The following HCFC2 variants were observed in gnomAD, a reference collection of about 807,000 sequenced individuals.
HCFC2 encodes host cell factor C2, also known as host cell factor 2.
A neutral mutation model predicts 89.2 loss-of-function variants in HCFC2; 18 were observed. The observed-to-expected ratio is 0.20, with a 90% CI of 0.14 to 0.30. HCFC2 has a LOEUF of 0.30. Ranked by LOEUF, HCFC2 falls within the 10% of genes least tolerant of loss-of-function variation. The probability of loss-of-function intolerance (pLI) is 1.00; values close to 1 mark genes in which losing one functional copy is unlikely to be tolerated. For synonymous variants in HCFC2, 308 were observed against 335.7 expected (o/e 0.92, Z 0.90); for missense variants, 578 against 956.1 (o/e 0.60, Z 5.21).
chr12:104,099,244 A>G (rs1884269385), intron 13 of HCFC2, among the ~76,000 whole-genome samples: 1 of 152,022 alleles, frequency 6.6e-6, no homozygotes, highest in Non-Finnish European at 1.5e-5. Flanking sequence ...TACAATACTA[A>G]GGGGGGATGG....
chr12:104,066,789 C>T (rs1566222788), intron 2 of HCFC2, among the ~76,000 whole-genome samples: 1 of 152,068 alleles, frequency 6.6e-6, no homozygotes, highest in African/African-American at 2.4e-5. Flanking sequence ...TGCTGATGCT[C>T]CTGGTTTGTT....
At chr12:104,096,505 A>G in intron 12 of HCFC2, 72 bp downstream of exon 12, 1 of 1,017,796 alleles carries the variant, frequency 9.8e-7, no homozygotes, top group Non-Finnish European at 1.5e-6. Context: ...GCAACTTCTA[A>G]ATAATTTCAT....
In HCFC2 at chr12:104,103,455, ACT is replaced by A. The variant is rs2030009178; in HGVS notation, c.*187_*188del. On this transcript the variant is annotated 3_prime_UTR_variant, in exon 15 of 15. Coordinates refer to ENST00000229330, the MANE Select transcript of HCFC2 (RefSeq NM_013320.3). ...TCCAAATAAAAGAAAAGAAGCAAAG[ACT>A]CTCTGAAAATTAGTATATGAGTTCT... The A allele has an allele frequency of 1.8e-5, 10 of 569,382 alleles. No homozygotes were observed. In the South Asian group the frequency reaches 1.8e-4, roughly 10 times the overall value. The allele number at this position is 569,382 out of a possible 1,614,324, so 35.3% of individuals were successfully genotyped here.
chr12:104,097,378 T>C (rs2136627661), intron 12 of HCFC2, among the ~76,000 whole-genome samples: 1 of 152,294 alleles, frequency 6.6e-6, no homozygotes, highest in East Asian at 1.9e-4. Context: ...TTGAGTCTGT[T>C]TTGCCATGCA....
intron 14 of HCFC2, 64 bp from the exon 15 acceptor site, chr12:104,102,895 C>A: frequency 7.7e-7 from 1 of 1,297,336 alleles, no homozygotes; most frequent in Non-Finnish European, 1.1e-6. Flanking sequence ...ATAGACTCAA[C>A]ATAATAAGTG....
intron 13 of HCFC2, 43 bp downstream of exon 13, chr12:104,098,523 A>G: frequency 1.3e-6 from 2 of 1,522,310 alleles, no homozygotes; most frequent in Non-Finnish European, 1.8e-6. Flanking sequence ...TATAAGCCTC[A>G]AGGATGAGAT....
chr12:104,083,203 C>T (rs1023486635), intron 7 of HCFC2, among the ~76,000 whole-genome samples: 3 of 152,122 alleles, frequency 2.0e-5, no homozygotes, highest in Admixed American at 6.6e-5. Flanking sequence ...GCAAGCACTA[C>T]CTTAATCAAG....
rs750978680 is a variant in HCFC2 at position 104,078,461 on chromosome 12, T to G, written c.474-984T>G. 5.3e-4 allele frequency among the ~76,000 whole-genome samples: 81 copies of G among 152,212 alleles called. 1 individual carries two copies. Among genetic ancestry groups the G allele is most frequent in the Non-Finnish European group, 1.2e-4 (8 of 68,044 alleles). On this transcript the variant is annotated intron_variant, in intron 3 of 14. Coordinates refer to ENST00000229330, the MANE Select transcript of HCFC2 (RefSeq NM_013320.3). Reference sequence around the variant, plus strand: ...AATAATAATTTTGTAGGAAATAGATTTCTACAAAAGTCATTTTGCTCAAAA... The same window carrying G: ...AATAATAATTTTGTAGGAAATAGATGTCTACAAAAGTCATTTTGCTCAAAA...
At chr12:104,099,767 G>A (rs749608712) in intron 13 of HCFC2, among the ~76,000 whole-genome samples, 13 of 152,180 alleles carry the variant, frequency 8.5e-5, no homozygotes, top group Non-Finnish European at 1.6e-4. Flanking sequence ...CTGGGCTTAA[G>A]TTATCCTCAC....
chr12:104,086,927 A>G lies in HCFC2; in HGVS notation c.1144A>G (p.Thr382Ala), dbSNP rs781627273. Residue 382 changes from threonine (T) to alanine (A), a missense_variant, in exon 8 of 15, where the codon ACA (threonine) becomes GCA (alanine). This residue lies in a region of HCFC2 where 210 missense variants were observed against 251.7 expected (regional missense o/e 0.83). Transcript: ENST00000229330. ...SFHVKWDEVSTVEGYLLQLST... is the reference protein window; with the variant it reads ...SFHVKWDEVSAVEGYLLQLST... Reference sequence around the variant, plus strand: ...TCATGTCAAGTGGGATGAAGTGTCTACAGTTGAGGGCTATCTTTTGCAGTT... The same window carrying G: ...TCATGTCAAGTGGGATGAAGTGTCTGCAGTTGAGGGCTATCTTTTGCAGTT... The G allele has an allele frequency of 4.3e-6, 7 of 1,614,064 alleles. No homozygotes were observed. The Admixed American group carries it at 8.3e-5, about 19-fold the overall frequency.
intron 4 of HCFC2, among the ~76,000 whole-genome samples, chr12:104,079,954 C>T (rs1380644302): frequency 6.6e-6 from 1 of 152,144 alleles, no homozygotes; most frequent in African/African-American, 2.4e-5. Flanking sequence ...GTACAATACT[C>T]CCTTTCACTC....
At chr12:104,091,181 G>A (rs956962448) in intron 9 of HCFC2, among the ~76,000 whole-genome samples, 8 of 152,164 alleles carry the variant, frequency 5.3e-5, no homozygotes, top group African/African-American at 1.2e-4. Context: ...ATACCGTAGC[G>A]TAGTCTAGAG....
chr12:104,082,229 T>C (rs1199207093), intron 5 of HCFC2, among the ~76,000 whole-genome samples: 1 of 152,258 alleles, frequency 6.6e-6, no homozygotes, highest in African/African-American at 2.4e-5. Flanking sequence ...AATATTGATT[T>C]TTAAGTATAT....
Position 104,079,439 on chromosome 12 carries a change from T to C in HCFC2, c.474-6T>C. ...GAATGTTTTAATTTTTTCTATGATA[T>C]CCTAGATATTTAAATGATTTTTATG... On this transcript the variant is annotated splice_polypyrimidine_tract_variant and splice_region_variant and intron_variant, in intron 3 of 14. Coordinates refer to ENST00000229330, the MANE Select transcript of HCFC2 (RefSeq NM_013320.3). 1 of 1,601,780 alleles carries C rather than the reference T, an allele frequency of 6.2e-7. No individual in the cohort carries two copies. Among genetic ancestry groups the C allele is most frequent in the Non-Finnish European group, 8.5e-7 (1 of 1,170,492 alleles).
intron 4 of HCFC2, 37 bp from the exon 5 acceptor site, chr12:104,080,709 T>G: frequency 8.0e-7 from 1 of 1,246,486 alleles, no homozygotes; most frequent in Non-Finnish European, 1.1e-6. Flanking sequence ...TTACTCTTGT[T>G]AGATCAAGTT....
intron 3 of HCFC2, among the ~76,000 whole-genome samples, chr12:104,069,316 A>C (rs976459868): frequency 5.9e-5 from 9 of 152,110 alleles, no homozygotes; most frequent in African/African-American, 2.2e-4. Flanking sequence ...AAAAAAACAA[A>C]CAAACAAACA....
chr12:104,099,885 G>C (rs555963465), intron 13 of HCFC2, among the ~76,000 whole-genome samples: 1 of 152,198 alleles, frequency 6.6e-6, no homozygotes, highest in African/African-American at 2.4e-5. Flanking sequence ...TCAAACTCCT[G>C]GGCTCAAGTG....
chr12:104,070,504 C>A (rs896786212), intron 3 of HCFC2, among the ~76,000 whole-genome samples: 1 of 152,132 alleles, frequency 6.6e-6, no homozygotes, highest in Non-Finnish European at 1.5e-5. Flanking sequence ...ATAATCTAAG[C>A]CTGTTTCCTT....
intron 3 of HCFC2, among the ~76,000 whole-genome samples, chr12:104,079,175 G>A (rs1343531803): frequency 1.3e-5 from 2 of 152,188 alleles, no homozygotes; most frequent in African/African-American, 2.4e-5. Flanking sequence ...TTGGCAAGTT[G>A]TCATTGATAA....
Sources: gnomAD v4.1 joint callset for allele counts (sites outside exome capture counted in the v4.1 genomes callset) on GRCh38, gnomAD v4.1.1 for gene constraint, gnomAD v4.1.1 regional missense constraint, MANE v1.5 for transcripts, NCBI Gene and HGNC (gene_info 2026-07-23, HGNC 2026-07-21) for gene names.